The following PRDM16 variants were observed in gnomAD, a reference collection of about 807,000 sequenced individuals.
PRDM16 encodes the protein PR/SET domain 16.
In PRDM16, 23 loss-of-function variants were observed where a neutral mutation model predicts 110.6. That is an observed-to-expected ratio of 0.21 (90% CI 0.15 to 0.29). The LOEUF (loss-of-function observed/expected upper bound fraction) is 0.29. Ranked by LOEUF, PRDM16 falls within the 10% of genes least tolerant of loss-of-function variation. The pLI is 1.00. For missense variants in PRDM16, 1,615 were observed against 1,794.3 expected (o/e 0.90, Z 1.81); for synonymous variants, 799 against 781.8 (o/e 1.02, Z -0.37).
chr1:3,291,696 C>T (rs1292824152), intron 3 of PRDM16, among the ~76,000 whole-genome samples: 1 of 152,248 alleles, frequency 6.6e-6, no homozygotes, highest in African/African-American at 2.4e-5. Flanking sequence ...CAAGGCAGCT[C>T]TTGGCAGTGC....
At chr1:3,323,954 C>T (rs1641826078) in intron 3 of PRDM16, among the ~76,000 whole-genome samples, 1 of 152,212 alleles carries the variant, frequency 6.6e-6, no homozygotes, top group South Asian at 2.1e-4. Context: ...GAAGGGGTTG[C>T]TGCTGAGGCA....
intron 3 of PRDM16, among the ~76,000 whole-genome samples, chr1:3,327,673 GGAT>G (rs34748455): frequency 0.38 from 57,678 of 151,890 alleles, 11,428 homozygotes; most frequent in Middle Eastern, 0.5. Flanking sequence ...TGGGCACAGT[GGAT>G]GATGGCGTGC....
At chr1:3,130,630 C>T (rs1422579638) in intron 1 of PRDM16, among the ~76,000 whole-genome samples, 1 of 152,134 alleles carries the variant, frequency 6.6e-6, no homozygotes, top group Admixed American at 6.5e-5. Flanking sequence ...CACAGCTCTG[C>T]GCTTTCTGTA....
intron 3 of PRDM16, among the ~76,000 whole-genome samples, chr1:3,373,182 G>A (rs1390874604): frequency 1.3e-5 from 2 of 152,096 alleles, no homozygotes; most frequent in African/African-American, 2.4e-5. Context: ...TAGGGGAGCC[G>A]GCTTCTGCAT....
At chr1:3,349,084 C>T (rs917253160) in intron 3 of PRDM16, among the ~76,000 whole-genome samples, 6 of 152,214 alleles carry the variant, frequency 3.9e-5, no homozygotes, top group Admixed American at 1.3e-4. Flanking sequence ...ATCACCATAA[C>T]GATTATTGAA....
intron 2 of PRDM16, among the ~76,000 whole-genome samples, chr1:3,228,850 G>A (rs72631000): frequency 0.083 from 12,572 of 152,132 alleles, 600 homozygotes; most frequent in South Asian, 0.24. Context: ...AACGGGACGC[G>A]CTGAGCCATC....
At position 3,147,254 on chromosome 1, in the gene PRDM16, C is replaced by A. The variant is rs1371178909; in HGVS notation, c.38-38871C>A. Among the ~76,000 whole-genome samples, 4 of 152,032 alleles carry A rather than the reference C, an allele frequency of 2.6e-5. No homozygotes were observed. The South Asian group carries it at 8.3e-4, about 32-fold the overall frequency. On this transcript the variant is annotated intron_variant, in intron 1 of 16. Coordinates refer to ENST00000270722, the MANE Select transcript of PRDM16 (RefSeq NM_022114.4). ...GTGTGCATTCACTTCTAAGTTGGGG[C>A]GTGAGGAGGCATCATCAGTGCTGGA... is the stretch of plus-strand genomic sequence containing the variant.
chr1:3,104,682 C>G (rs978916404), intron 1 of PRDM16, among the ~76,000 whole-genome samples: 7 of 139,860 alleles, frequency 5.0e-5, no homozygotes, highest in Admixed American at 4.3e-4. Flanking sequence ...GTCACCCTGG[C>G]AGGCCCCTCT....
In PRDM16 at chr1:3,143,547, C is replaced by T. The variant is rs765738324; in HGVS notation, c.38-42578C>T. ...GGCTGGAGTGCACTGGCGCAATCTCCGCTCACTGCAGTCTCTGCCTCCCGG... is the reference window on the plus strand; with the variant it reads ...GGCTGGAGTGCACTGGCGCAATCTCTGCTCACTGCAGTCTCTGCCTCCCGG... On this transcript the variant is annotated intron_variant, in intron 1 of 16. Coordinates refer to ENST00000270722, the MANE Select transcript of PRDM16 (RefSeq NM_022114.4). The surrounding 1 kb of genome is among the most constrained non-coding windows in gnomAD (Gnocchi z 4.5). Among the ~76,000 whole-genome samples, 11 of 152,094 alleles carry T rather than the reference C, an allele frequency of 7.2e-5. No homozygotes were observed. The highest frequency in any genetic ancestry group is 1.5e-4 in the Non-Finnish European group (10 of 68,020).
chr1:3,394,554 C>T, intron 4 of PRDM16: 2 of 411,200 alleles, frequency 4.9e-6, no homozygotes, highest in Non-Finnish European at 9.9e-6. Context: ...CCAGGGTCCA[C>T]ATTGCCCTCT....
chr1:3,235,739 CG>C (rs1639525226), intron 2 of PRDM16, among the ~76,000 whole-genome samples: 1 of 152,034 alleles, frequency 6.6e-6, no homozygotes, highest in African/African-American at 2.4e-5. Context: ...ACGGCGGGGG[CG>C]GGGTGTGGGG....
At chr1:3,077,191 G>A (rs1192545769) in intron 1 of PRDM16, among the ~76,000 whole-genome samples, 1 of 152,182 alleles carries the variant, frequency 6.6e-6, no homozygotes, top group Admixed American at 6.5e-5. Flanking sequence ...CCTGGTCCAC[G>A]GGCCTCCTGG....
chr1:3,194,068 G>T (rs1336188060), intron 2 of PRDM16, among the ~76,000 whole-genome samples: 2 of 152,262 alleles, frequency 1.3e-5, no homozygotes, highest in African/African-American at 4.8e-5. Flanking sequence ...TAGATAGGAG[G>T]AGTGGAGAGC....
At chr1:3,085,774 C>G (rs574896404) in intron 1 of PRDM16, among the ~76,000 whole-genome samples, 6 of 152,332 alleles carry the variant, frequency 3.9e-5, no homozygotes, top group South Asian at 4.1e-4. Flanking sequence ...TTCTGGGCCA[C>G]AGGTCGGGTG....
rs150315941 is a variant in PRDM16, at chr1:3,184,051, G to A, written c.38-2074G>A. 5.8e-3 allele frequency among the ~76,000 whole-genome samples: 885 copies of A among 152,268 alleles called. 5 individuals carry two copies. Among genetic ancestry groups the A allele is most frequent in the South Asian group, 0.02 (95 of 4,820 alleles). On this transcript the variant is annotated intron_variant, in intron 1 of 16. Coordinates refer to ENST00000270722, the MANE Select transcript of PRDM16 (RefSeq NM_022114.4). ...ACGGTCAGCGGGGCGGGGGTTATGG[G>A]GGTGTTCTTTCAAACCTAAACAACT...
At chr1:3,411,261 C>G (rs1643680911) in intron 8 of PRDM16, 123 bp from the exon 9 acceptor site, 5 of 981,388 alleles carry the variant, frequency 5.1e-6, no homozygotes. Flanking sequence ...CCCAGACAGA[C>G]TGCTTCCAGC....
intron 2 of PRDM16, among the ~76,000 whole-genome samples, chr1:3,202,888 G>A (rs1031696314): frequency 6.6e-6 from 1 of 152,190 alleles, no homozygotes; most frequent in African/African-American, 2.4e-5. Context: ...ACTCCAGCCT[G>A]TGGTCTGAGT....
chr1:3,408,640 TG>T (rs1643603527), intron 8 of PRDM16, among the ~76,000 whole-genome samples: 1 of 134,080 alleles, frequency 7.5e-6, no homozygotes, highest in African/African-American at 2.9e-5. Context: ...GTGCGTGAGC[TG>T]GTGCCTGTGT....
rs566151447 is a variant in PRDM16 at position 3,356,735 on chromosome 1, G to A, written c.439-28417G>A. On this transcript the variant is annotated intron_variant, in intron 3 of 16. Transcript: ENST00000270722. ...GACAGCAGGAGATGTGAAGTCACTG[G>A]GCAGATCGAGCAGCTCGGGAAGGTG... 3.7e-4 allele frequency among the ~76,000 whole-genome samples: 56 copies of A among 152,272 alleles called. 1 individual carries two copies. The highest frequency in any genetic ancestry group is 1.0e-3 in the African/African-American group (43 of 41,544).
Sources: allele counts gnomAD v4.1 joint callset (sites outside exome capture counted in the v4.1 genomes callset), GRCh38; gene constraint gnomAD v4.1.1; non-coding constraint Gnocchi (gnomAD v3.1); transcripts MANE v1.5; gene names NCBI Gene and HGNC (gene_info 2026-07-23, HGNC 2026-07-21).